The following CHRDL1 variants were observed in gnomAD, a reference collection of about 807,000 sequenced individuals.
CHRDL1 encodes the protein chordin-like protein 1.
Under a neutral mutation model 40.9 loss-of-function variants are expected in CHRDL1, and 19 were observed. That is an observed-to-expected ratio of 0.46 (90% confidence interval 0.32 to 0.68). The LOEUF (loss-of-function observed/expected upper bound fraction) is 0.68. Ranked by LOEUF, CHRDL1 falls within the 30% of genes least tolerant of loss-of-function variation. CHRDL1 has a pLI of 0.03. For synonymous variants in CHRDL1, 136 were observed against 123.4 expected (o/e 1.10, Z -0.68); for missense variants, 329 against 352.1 (o/e 0.93, Z 0.53).
At chrX:110,718,149 G>A (rs1043076698) in intron 6 of CHRDL1, among the ~76,000 whole-genome samples, 1 of 111,825 alleles carries the variant, frequency 8.9e-6, no homozygotes, top group Non-Finnish European at 1.9e-5. Flanking sequence ...GGTTGAATAA[G>A]GTCATTCAAC....
chrX:110,689,562 C>A (rs755600465), intron 8 of CHRDL1, among the ~76,000 whole-genome samples: 6 of 25,567 alleles, frequency 2.3e-4, no homozygotes, highest in African/African-American at 1.1e-3. Context: ...ATCTATATAT[C>A]TATATATATC....
chrX:110,742,725 C>A (rs1321844081), intron 4 of CHRDL1, among the ~76,000 whole-genome samples: 1 of 111,756 alleles, frequency 8.9e-6, no homozygotes, highest in Non-Finnish European at 1.9e-5. Flanking sequence ...GGCAAGGAGA[C>A]CTGGGTTCCA....
Position 110,782,878 on chromosome X carries a change from C to T in CHRDL1, c.94+9210G>A, listed in dbSNP as rs190766963. ...TGCAAATATCTTACTCAAACACTAA[C>T]TGCTGATAGAAACCTGATCTAAAAT... is the stretch of plus-strand genomic sequence containing the variant. On this transcript the variant is annotated intron_variant, in intron 2 of 11. Coordinates refer to ENST00000372042, the MANE Select transcript of CHRDL1 (RefSeq NM_001143981.2). 4.5e-5 allele frequency among the ~76,000 whole-genome samples: 5 copies of T among 112,287 alleles called. No individual in the cohort carries two copies. The East Asian group carries it at 1.4e-3, about 32-fold the overall frequency.
At chrX:110,693,323 G>T (rs1407282924) in intron 8 of CHRDL1, among the ~76,000 whole-genome samples, 1 of 111,006 alleles carries the variant, frequency 9.0e-6, no homozygotes, top group Non-Finnish European at 1.9e-5. Context: ...GTGGTTTTGG[G>T]ATTTCTCACT....
rs759677216 is a variant in CHRDL1 at position 110,684,470 on chromosome X, T to C, written c.989-2821A>G. ...CCCCTTCACGTCATTCAGGACTCTA[T>C]TCAAATATCTTTAGAGAAGCCTTCC... On this transcript the variant is annotated intron_variant, in intron 9 of 11. Coordinates refer to ENST00000372042, the MANE Select transcript of CHRDL1 (RefSeq NM_001143981.2). Among the ~76,000 whole-genome samples the C allele has an allele frequency of 1.5e-4, 17 of 111,980 alleles. No homozygotes were observed. In the East Asian group the frequency reaches 4.8e-3, roughly 31 times the overall value.
At chrX:110,790,794 C>T (rs2090086188) in intron 2 of CHRDL1, among the ~76,000 whole-genome samples, 1 of 108,361 alleles carries the variant, frequency 9.2e-6, no homozygotes, top group Non-Finnish European at 1.9e-5. Flanking sequence ...CTGAGATGAA[C>T]TATATTCAAG....
rs5985549 is a variant in CHRDL1 at position 110,762,254 on chromosome X, T to C, written c.207+441A>G. Among the ~76,000 whole-genome samples the C allele has an allele frequency of 1.1e-3, 124 of 111,919 alleles. No individual in the cohort carries two copies. The Middle Eastern group carries it at 0.019, about 17-fold the overall frequency. On this transcript the variant is annotated intron_variant, in intron 3 of 11. Transcript: ENST00000372042. ...AGGACAGAAGACAGAAAATGTTTAT[T>C]TTTCTTGCAATCGTCTTCTTACTTT...
intron 6 of CHRDL1, among the ~76,000 whole-genome samples, chrX:110,719,102 G>A (rs2070897111): frequency 9.0e-6 from 1 of 111,262 alleles, no homozygotes; most frequent in Admixed American, 9.6e-5. Context: ...CAAAAAATAT[G>A]TTGACTGGAT....
chrX:110,795,001 T>C (rs1426728365), intron 1 of CHRDL1, among the ~76,000 whole-genome samples: 1 of 112,711 alleles, frequency 8.9e-6, no homozygotes, highest in Admixed American at 9.3e-5. Flanking sequence ...AAATGGCAGT[T>C]TTAACCCAGG....
At chrX:110,694,457 T>G in intron 7 of CHRDL1, 126 bp from the exon 8 acceptor site, 2 of 445,564 alleles carry the variant, frequency 4.5e-6, no homozygotes, top group Non-Finnish European at 7.3e-6. Context: ...AGCTGCATGC[T>G]TACCTACACC....
Position 110,700,698 on chromosome X carries a change from G to A in CHRDL1, c.565C>T (p.His189Tyr), listed in dbSNP as rs2070494633. Reference protein sequence around the residue: ...CRGDGELSWEHSDGDIFRQPA... With the variant: ...CRGDGELSWEYSDGDIFRQPA... Reference sequence around the variant, plus strand: ...TGCCGGAAGATATCACCATCAGAATGTTCCCATGACAGTTCTCCATCTCCT... The same window carrying A: ...TGCCGGAAGATATCACCATCAGAATATTCCCATGACAGTTCTCCATCTCCT... The change falls in exon 7 of 12, where the codon CAT (histidine) becomes TAT (tyrosine). Residue 189 changes from histidine (H) to tyrosine (Y), a missense_variant. Physicochemically the swap from His to Tyr is moderately conservative, Grantham distance 83 (BLOSUM62 2). Coordinates refer to ENST00000372042, the MANE Select transcript of CHRDL1 (RefSeq NM_001143981.2). 1 of 1,183,563 alleles carries A rather than the reference G, an allele frequency of 8.4e-7. No individual in the cohort carries two copies. The highest frequency in any genetic ancestry group is 1.1e-6 in the Non-Finnish European group (1 of 869,910).
At chrX:110,778,990 T>G (rs1475329919) in intron 2 of CHRDL1, among the ~76,000 whole-genome samples, 2 of 111,459 alleles carry the variant, frequency 1.8e-5, no homozygotes, top group Non-Finnish European at 3.8e-5. Context: ...AGCAAACTAA[T>G]GCAGGAACAC....
intron 8 of CHRDL1, among the ~76,000 whole-genome samples, chrX:110,689,110 A>ATATATT (rs2070099568): frequency 1.3e-5 from 1 of 77,675 alleles, no homozygotes; most frequent in Non-Finnish European, 2.5e-5. Flanking sequence ...ATATATATAT[A>ATATATT]TATTTTAAGA....
intron 7 of CHRDL1, among the ~76,000 whole-genome samples, chrX:110,695,853 T>C: frequency 8.9e-6 from 1 of 112,376 alleles, no homozygotes; most frequent in East Asian, 2.8e-4. Flanking sequence ...GGACCTTTTT[T>C]AGCCTTTTGA....
chrX:110,697,258 A>G (rs1183515891), intron 7 of CHRDL1, among the ~76,000 whole-genome samples: 1 of 110,530 alleles, frequency 9.0e-6, no homozygotes, highest in Non-Finnish European at 1.9e-5. Flanking sequence ...AGGACCCCCA[A>G]GAATTTCATG....
intron 7 of CHRDL1, among the ~76,000 whole-genome samples, chrX:110,698,694 G>A (rs932379122): frequency 6.2e-5 from 7 of 112,117 alleles, no homozygotes; most frequent in African/African-American, 2.0e-4. Flanking sequence ...CAATGAAGCT[G>A]AAAGATAAGG....
intron 4 of CHRDL1, among the ~76,000 whole-genome samples, chrX:110,742,436 C>A (rs16986121): frequency 0.02 from 2,263 of 112,313 alleles, 58 homozygotes; most frequent in African/African-American, 0.069. Context: ...TAATGGTTGT[C>A]TCAAACACAC....
rs989220767 is a variant in CHRDL1, at chrX:110,757,235, CA to C, written c.301+2425del. On this transcript the variant is annotated intron_variant, in intron 4 of 11. Transcript: ENST00000372042. Reference sequence around the variant, plus strand: ...AATAAGAAGGTGAAGAGATAATTTTCAAAAAAAAAACTGACTAAAAATTGAA... The same window carrying C: ...AATAAGAAGGTGAAGAGATAATTTTCAAAAAAAAACTGACTAAAAATTGAA... 2.1e-4 allele frequency among the ~76,000 whole-genome samples: 22 copies of C among 102,558 alleles called. No homozygotes were observed. The South Asian group carries it at 2.5e-3, about 12-fold the overall frequency. The allele number at this position is 102,558 out of a possible 115,157, so 89.1% of individuals were successfully genotyped here. A position where few individuals can be genotyped will look rare whatever the true frequency, so the allele number is the denominator to read the frequency against.
intron 6 of CHRDL1, among the ~76,000 whole-genome samples, chrX:110,708,254 C>A (rs759752834): frequency 6.6e-4 from 73 of 110,430 alleles, no homozygotes; most frequent in African/African-American, 2.3e-3. Context: ...GGATCTAGAA[C>A]CAGAAATACC....
Sources: gnomAD v4.1 joint callset for allele counts (sites outside exome capture counted in the v4.1 genomes callset) on GRCh38, gnomAD v4.1.1 for gene constraint, MANE v1.5 for transcripts, NCBI Gene and HGNC (gene_info 2026-07-23, HGNC 2026-07-21) for gene names.